The following SLCO5A1 variants were observed in gnomAD, a reference collection of about 807,000 sequenced individuals.
SLCO5A1 encodes solute carrier organic anion transporter family member 5A1.
A neutral mutation model predicts 65.1 loss-of-function variants in SLCO5A1; 39 were observed. The ratio of observed to expected loss-of-function variants is 0.60; its 90% CI spans 0.46 to 0.78. The LOEUF is 0.78. Among genes scored for constraint, SLCO5A1 ranks in the 30% least tolerant of loss-of-function variants. SLCO5A1 has a pLI of 0.00. For synonymous variants in SLCO5A1, 438 were observed against 415.7 expected, an observed-to-expected ratio of 1.05 and a Z score of -0.65; for missense variants, 1,029 against 1,069.4, an observed-to-expected ratio of 0.96 and a Z score of 0.53.
chr8:69,828,643 T>G (rs2130927844), intron 2 of SLCO5A1, among the ~76,000 whole-genome samples: 1 of 151,652 alleles, frequency 6.6e-6, no homozygotes, highest in South Asian at 2.1e-4. Flanking sequence ...GGAAAGAAAA[T>G]GAATACCATT....
intron 2 of SLCO5A1, among the ~76,000 whole-genome samples, chr8:69,802,878 A>T (rs1819811886): frequency 6.6e-6 from 1 of 152,226 alleles, no homozygotes; most frequent in Admixed American, 6.5e-5. Context: ...GCACCAGCAC[A>T]GAGGCTCCCA....
chr8:69,812,683 C>A (rs1227268938), intron 2 of SLCO5A1, among the ~76,000 whole-genome samples: 1 of 152,178 alleles, frequency 6.6e-6, no homozygotes, highest in African/African-American at 2.4e-5. Context: ...TTTAGAGTAA[C>A]ACTACCCATC....
chr8:69,718,215 A>G (rs1252790745), intron 5 of SLCO5A1, among the ~76,000 whole-genome samples: 3 of 152,326 alleles, frequency 2.0e-5, no homozygotes, highest in Admixed American at 2.0e-4. Context: ...GAAATACAAT[A>G]GATTTTTGTA....
In SLCO5A1 at chr8:69,673,043, C is replaced by T. The variant is rs1389271535; in HGVS notation, c.2373G>A (p.Arg791=). The part of the protein sequence containing the change: ...SERVGHPDNA[R]TRSCPAFSTQ... The stretch of plus-strand genomic sequence containing the variant: ...TGCTGAAAGCTGGGCAAGATCTAGT[C>T]CGGGCATTGTCGGGGTGTCCCACTC... The change falls in exon 10 of 10, where the codon CGG becomes CGA. Residue 791 remains arginine (R), a synonymous_variant. Coordinates refer to ENST00000260126, the MANE Select transcript of SLCO5A1 (RefSeq NM_030958.3). 2 of 1,614,080 alleles carry T rather than the reference C, an allele frequency of 1.2e-6. No homozygotes were observed.
chr8:69,677,449 G>A (rs560520023), intron 8 of SLCO5A1, among the ~76,000 whole-genome samples: 2 of 152,316 alleles, frequency 1.3e-5, no homozygotes, highest in Admixed American at 1.3e-4. Flanking sequence ...GATTATTTGA[G>A]TAAATTTATG....
In SLCO5A1 at chr8:69,796,623, T is replaced by G. The variant is rs571520721; in HGVS notation, c.908-34748A>C. ...CAAAGCAAGATTCTGTCTCAAACAT[T>G]TTATATATATATATATACACACACA... On this transcript the variant is annotated intron_variant, in intron 2 of 9. Transcript: ENST00000260126. Among the ~76,000 whole-genome samples the G allele has an allele frequency of 6.2e-5, 9 of 145,262 alleles. No individual in the cohort carries two copies. The South Asian group carries it at 2.0e-3, about 32-fold the overall frequency.
chr8:69,741,615 A>G (rs1816790885), intron 4 of SLCO5A1, among the ~76,000 whole-genome samples: 1 of 152,230 alleles, frequency 6.6e-6, no homozygotes, highest in Non-Finnish European at 1.5e-5. Context: ...CCTGGCAAAT[A>G]CTATCTTATC....
chr8:69,723,161 AT>A (rs201960104), intron 5 of SLCO5A1, among the ~76,000 whole-genome samples: 1 of 152,152 alleles, frequency 6.6e-6, no homozygotes, highest in Non-Finnish European at 1.5e-5. Flanking sequence ...CATTAAAACT[AT>A]TTTTTATTCT....
intron 2 of SLCO5A1, among the ~76,000 whole-genome samples, chr8:69,781,644 T>C (rs1049356598): frequency 2.0e-5 from 3 of 151,182 alleles, no homozygotes; most frequent in African/African-American, 7.3e-5. Flanking sequence ...TTTTTGTTTT[T>C]GTTTTTTGTT....
chr8:69,775,885 G>A (rs1818532605), intron 2 of SLCO5A1, among the ~76,000 whole-genome samples: 1 of 152,056 alleles, frequency 6.6e-6, no homozygotes, highest in Admixed American at 6.6e-5. Context: ...TGTGGTGGTG[G>A]ATGCCTGTAG....
chr8:69,696,292 A>T (rs1814496156), intron 6 of SLCO5A1, among the ~76,000 whole-genome samples: 1 of 152,242 alleles, frequency 6.6e-6, no homozygotes, highest in Non-Finnish European at 1.5e-5. Flanking sequence ...AAACTCCACA[A>T]AAATGGCAAG....
intron 2 of SLCO5A1, among the ~76,000 whole-genome samples, chr8:69,781,068 T>A (rs1236726448): frequency 2.0e-5 from 3 of 152,232 alleles, no homozygotes; most frequent in Non-Finnish European, 4.4e-5. Flanking sequence ...CTTCAGTAAT[T>A]ACGGTGAAGC....
chr8:69,742,448 T>G (rs1262906191), intron 4 of SLCO5A1, among the ~76,000 whole-genome samples: 1 of 152,184 alleles, frequency 6.6e-6, no homozygotes, highest in Non-Finnish European at 1.5e-5. Context: ...TAGGAAATCT[T>G]ACAAATTCAG....
chr8:69,717,385 C>G lies in SLCO5A1; in HGVS notation c.1424-12156G>C, dbSNP rs1815601052. 2.6e-5 allele frequency among the ~76,000 whole-genome samples: 4 copies of G among 152,166 alleles called. No individual in the cohort carries two copies. The South Asian group carries it at 8.3e-4, about 32-fold the overall frequency. On this transcript the variant is annotated intron_variant, in intron 5 of 9. Transcript: ENST00000260126. ...TTCCTCATTGAATAGCCTTGGCACTCTTGTCAAAAATCAGTTGACAATAAA... is the reference window on the plus strand; with the variant it reads ...TTCCTCATTGAATAGCCTTGGCACTGTTGTCAAAAATCAGTTGACAATAAA...
intron 2 of SLCO5A1, among the ~76,000 whole-genome samples, chr8:69,766,112 A>C (rs781722356): frequency 1.3e-5 from 2 of 152,142 alleles, no homozygotes; most frequent in Non-Finnish European, 2.9e-5. Context: ...TATATACAGC[A>C]TCCAGCCCCT....
intron 6 of SLCO5A1, among the ~76,000 whole-genome samples, chr8:69,683,688 G>A (rs1357575384): frequency 1.3e-5 from 2 of 151,636 alleles, no homozygotes; most frequent in Non-Finnish European, 2.9e-5. Context: ...TCAGCCTCCC[G>A]AGTGGCTGGG....
intron 5 of SLCO5A1, among the ~76,000 whole-genome samples, chr8:69,720,537 T>G (rs1174572091): frequency 6.6e-6 from 1 of 152,254 alleles, no homozygotes; most frequent in African/African-American, 2.4e-5. Context: ...AGATGGGAAC[T>G]GAGAGTGGCC....
intron 8 of SLCO5A1, among the ~76,000 whole-genome samples, chr8:69,678,514 A>G (rs10448013): frequency 0.43 from 65,203 of 152,040 alleles, 14,251 homozygotes; most frequent in Non-Finnish European, 0.48. Context: ...ACGTAGACAG[A>G]TAGCTTAGAA....
rs10648194 is a variant in SLCO5A1, at chr8:69,678,800, G to GAAAA, written c.2024+574_2024+577dup. 1.7e-3 allele frequency among the ~76,000 whole-genome samples: 233 copies of GAAAA among 139,678 alleles called. 2 individuals are homozygous for GAAAA. Among genetic ancestry groups the GAAAA allele is most frequent in the African/African-American group, 4.4e-3 (165 of 37,814 alleles). 91.6% of individuals were successfully genotyped at this position (139,678 alleles called of 152,430 possible). Reference sequence around the variant, plus strand: ...CAAAGAAAGCACAGCCTGAAAAACTGAAAAAAAAAAAAAGGGAGAAATCAC... The same window carrying GAAAA: ...CAAAGAAAGCACAGCCTGAAAAACTGAAAAAAAAAAAAAAAAAGGGAGAAATCAC... On this transcript the variant is annotated intron_variant, in intron 8 of 9. Transcript: ENST00000260126.
Sources: gnomAD v4.1 joint callset for allele counts (sites outside exome capture counted in the v4.1 genomes callset) on GRCh38, gnomAD v4.1.1 for gene constraint, MANE v1.5 for transcripts, NCBI Gene and HGNC (gene_info 2026-07-23, HGNC 2026-07-21) for gene names.